Variants in ZFYVE26 observed in about 807,000 individuals in gnomAD.
ZFYVE26 encodes the protein zinc finger FYVE domain-containing protein 26.
A neutral mutation model predicts 276.5 loss-of-function variants in ZFYVE26; 181 were observed. The observed-to-expected ratio is 0.65, with a 90% CI of 0.58 to 0.74. The LOEUF (loss-of-function observed/expected upper bound fraction) is 0.74, where lower values mean the gene tolerates loss of function less well. ZFYVE26 is among the 30% of genes least tolerant of loss of function. The pLI is 0.00. For synonymous variants in ZFYVE26, 1,129 were observed against 1,203.1 expected, an observed-to-expected ratio of 0.94 and a Z score of 1.27; for missense variants, 2,821 against 3,097.9, an observed-to-expected ratio of 0.91 and a Z score of 2.12.
downstream of ZFYVE26, among the ~76,000 whole-genome samples, chr14:67,741,788 C>G (rs2140170344): frequency 6.6e-6 from 1 of 152,296 alleles, no homozygotes. Context: ...GACTCAGTTC[C>G]CTGACCTTCT....
intron 35 of ZFYVE26, among the ~76,000 whole-genome samples, chr14:67,759,460 C>T (rs554798242): frequency 6.6e-6 from 1 of 151,458 alleles, no homozygotes; most frequent in East Asian, 2.0e-4. Context: ...CCTGTCTCTA[C>T]TAAAAATACA....
chr14:67,799,628 AG>A, intron 10 of ZFYVE26: 5 of 1,415,430 alleles, frequency 3.5e-6, no homozygotes, highest in Non-Finnish European at 3.0e-6. Flanking sequence ...TTCTCTTCAA[AG>A]GTCCTTAGGT....
chr14:67,798,361 G>C lies in ZFYVE26; in HGVS notation c.1901C>G (p.Ser634Cys), dbSNP rs761420970. The change falls in exon 11 of 42, where the codon TCC (serine) becomes TGC (cysteine). Residue 634 changes from serine to cysteine, a missense_variant. By Grantham distance (112) the Ser-to-Cys change is moderately radical. Transcript: ENST00000347230. ...AGCAAGGGTCTTTGGGACTCCCAGG[G>C]AACCCCGTTCTGACTTCCTTTCAGG... is the stretch of plus-strand genomic sequence containing the variant. ...AHPERKSERG[S>C]LGVPKTLAYT... The C allele has an allele frequency of 1.2e-6, 2 of 1,609,954 alleles. No individual in the cohort carries two copies. Among genetic ancestry groups the C allele is most frequent in the Non-Finnish European group, 1.7e-6 (2 of 1,177,638 alleles).
rs1367522203 is a variant in ZFYVE26, at chr14:67,786,149, T to C, written c.3104A>G (p.Asn1035Ser). The C allele has an allele frequency of 1.2e-6, 2 of 1,613,676 alleles. No homozygotes were observed. Among genetic ancestry groups the C allele is most frequent in the Admixed American group, 3.3e-5 (2 of 59,894 alleles). ...TTGACTGGCTGACATAAGCAGATAA[T>C]TGAGACTCTTACTGATTTGCTGAAG... ...VVLQQISKSL[N>S]YLLMSASQTK... The change falls in exon 17 of 42, where the codon AAT becomes AGT. Residue 1035 changes from asparagine to serine, a missense_variant. Asn to Ser is a conservative substitution (Grantham distance 46, BLOSUM62 1). Transcript: ENST00000347230.
downstream of ZFYVE26, among the ~76,000 whole-genome samples, chr14:67,742,668 G>T (rs2038427176): frequency 6.6e-6 from 1 of 152,042 alleles, no homozygotes; most frequent in Non-Finnish European, 1.5e-5. Context: ...CTTCTGGCTG[G>T]GAAGGTAGGA....
rs1306435675 is a variant in ZFYVE26 at position 67,783,385 on chromosome 14, A to G, written c.3767T>C (p.Leu1256Pro). 4 of 1,614,044 alleles carry G rather than the reference A, an allele frequency of 2.5e-6. No homozygotes were observed. Among genetic ancestry groups the G allele is most frequent in the Non-Finnish European group, 3.4e-6 (4 of 1,180,026 alleles). Residue 1256 changes from leucine (L) to proline (P), a missense_variant, in exon 21 of 42, where the codon CTG becomes CCG. By Grantham distance (98) the Leu-to-Pro change is moderately conservative. Coordinates refer to ENST00000347230, the MANE Select transcript of ZFYVE26 (RefSeq NM_015346.4). ...GCAGTGAGAGGCGTGTAGCTGGGCCAGAGTACCCAGACGAGTCAGGAGGGA... is the reference window on the plus strand; with the variant it reads ...GCAGTGAGAGGCGTGTAGCTGGGCCGGAGTACCCAGACGAGTCAGGAGGGA... ...TSSLLTRLGT[L>P]AQLHASHCLD...
At chr14:67,809,038 T>C (rs1390551909) in intron 4 of ZFYVE26, among the ~76,000 whole-genome samples, 162 bp downstream of exon 4, 1 of 152,204 alleles carries the variant, frequency 6.6e-6, no homozygotes, top group Non-Finnish European at 1.5e-5. Flanking sequence ...TCATATAAGT[T>C]TACCCTAACT....
intron 32 of ZFYVE26, among the ~76,000 whole-genome samples, chr14:67,764,324 G>A (rs570352397): frequency 1.3e-5 from 2 of 152,266 alleles, no homozygotes; most frequent in East Asian, 1.9e-4. Context: ...GTGTATAAGA[G>A]CATCGGCACT....
At chr14:67,768,919 T>C (rs909027190) in intron 29 of ZFYVE26, among the ~76,000 whole-genome samples, 15 of 152,132 alleles carry the variant, frequency 9.9e-5, no homozygotes, top group African/African-American at 3.6e-4. Context: ...TCTATTTAAG[T>C]TTGTAAATAA....
intron 12 of ZFYVE26, chr14:67,797,012 T>C (rs1405626934): frequency 1.3e-5 from 2 of 152,648 alleles, no homozygotes; most frequent in African/African-American, 4.8e-5. Flanking sequence ...TACTTCATAG[T>C]ATTGTGAGGA....
intron 40 of ZFYVE26, 43 bp downstream of exon 40, chr14:67,752,301 C>G (rs777250055): frequency 2.5e-6 from 4 of 1,582,038 alleles, no homozygotes; most frequent in Non-Finnish European, 3.4e-6. Flanking sequence ...TGTGAAGACA[C>G]TGAAATTGAT....
intron 4 of ZFYVE26, among the ~76,000 whole-genome samples, chr14:67,808,406 T>G (rs768792998): frequency 6.6e-6 from 1 of 152,130 alleles, no homozygotes; most frequent in South Asian, 2.1e-4. Context: ...ACAAAAACCT[T>G]CTCCAATACC....
At position 67,754,146 on chromosome 14, in the gene ZFYVE26, C is replaced by T. The variant is rs769456922; in HGVS notation, c.7053G>A (p.Gly2351=). Residue 2351 remains glycine, a synonymous_variant, in exon 38 of 42, where the codon GGG becomes GGA. Coordinates refer to ENST00000347230, the MANE Select transcript of ZFYVE26 (RefSeq NM_015346.4). The part of the protein sequence containing the change: ...TRFLHRCESA[G]TSQITTLPLP... ...GAGGCAAAGTGGTGATTTGAGAGGT[C>T]CCAGCACTTTCGCACCGATGCAAGA... 1 of 1,614,242 alleles carries T rather than the reference C, an allele frequency of 6.2e-7. No individual in the cohort carries two copies. Among genetic ancestry groups the T allele is most frequent in the East Asian group, 2.2e-5 (1 of 44,892 alleles).
At chr14:67,786,297 C>T (rs1447689220) in intron 16 of ZFYVE26, 64 bp from the exon 17 acceptor site, 6 of 1,479,838 alleles carry the variant, frequency 4.1e-6, no homozygotes, top group Non-Finnish European at 5.4e-6. Context: ...CAGAGATTGA[C>T]ACTCAGTCCT....
Position 67,809,215 on chromosome 14 carries a change from T to C in ZFYVE26, c.348A>G (p.Pro116=). Residue 116 remains proline, a synonymous_variant, in exon 4 of 42, where the codon CCA becomes CCG. Transcript: ENST00000347230. ...TCTCTCTCACCTCGAGGATGTTCTC[T>C]GGAATGTCACCTTGGAGGTCTTCTG... ...LLSEDLQGDI[P]ENILEELYET... The C allele has an allele frequency of 6.2e-7, 1 of 1,614,082 alleles. No homozygotes were observed. Among genetic ancestry groups the C allele is most frequent in the Non-Finnish European group, 8.5e-7 (1 of 1,180,014 alleles).
chr14:67,741,912 T>C (rs529485843), downstream of ZFYVE26, among the ~76,000 whole-genome samples: 1 of 152,340 alleles, frequency 6.6e-6, no homozygotes, highest in South Asian at 2.1e-4. Context: ...ACTTTTAACA[T>C]CCTACTCTAG....
chr14:67,780,753 A>G (rs770387544), intron 22 of ZFYVE26, among the ~76,000 whole-genome samples: 1 of 152,254 alleles, frequency 6.6e-6, no homozygotes, highest in Non-Finnish European at 1.5e-5. Context: ...AAGAATAAAA[A>G]GAAACCTTTT....
At chr14:67,802,552 T>C (rs1365214729) in intron 9 of ZFYVE26, among the ~76,000 whole-genome samples, 1 of 152,216 alleles carries the variant, frequency 6.6e-6, no homozygotes, top group Non-Finnish European at 1.5e-5. Flanking sequence ...GGCCAGGACT[T>C]GCACCTGACA....
At position 67,748,101 on chromosome 14, in the gene ZFYVE26, G is replaced by A. The variant is rs1377127486; in HGVS notation, c.*335C>T. 6.1e-6 allele frequency: 2 copies of A among 329,244 alleles called. No homozygotes were observed. Among genetic ancestry groups the A allele is most frequent in the Non-Finnish European group, 1.1e-5 (2 of 175,764 alleles). The allele number at this position is 329,244 out of a possible 1,614,324, so 20.4% of individuals were successfully genotyped here. A position where few individuals can be genotyped will look rare whatever the true frequency, so the allele number is the denominator to read the frequency against. On this transcript the variant is annotated 3_prime_UTR_variant, in exon 42 of 42. Coordinates refer to ENST00000347230, the MANE Select transcript of ZFYVE26 (RefSeq NM_015346.4). ...TAAAGTGCCTCTTTTAAATGGAGAA[G>A]AGTTTCATTTGTTCAGAAATGCTTG...
Sources: gnomAD v4.1 joint callset for allele counts (sites outside exome capture counted in the v4.1 genomes callset) on GRCh38, gnomAD v4.1.1 for gene constraint, MANE v1.5 for transcripts, NCBI Gene and HGNC (gene_info 2026-07-23, HGNC 2026-07-21) for gene names.